The following SIL1 variants were observed in gnomAD, a reference collection of about 807,000 sequenced individuals.
SIL1 encodes nucleotide exchange factor SIL1.
Under a neutral mutation model 49.1 loss-of-function variants are expected in SIL1, and 40 were observed. The ratio of observed to expected loss-of-function variants is 0.81; its 90% CI spans 0.63 to 1.06. The LOEUF is 1.06. Among genes scored for constraint, SIL1 ranks in the 50% least tolerant of loss-of-function variants. The pLI, the probability that SIL1 is intolerant of heterozygous loss-of-function variation, is 0.00. For missense variants in SIL1, 500 were observed against 572.6 expected, an observed-to-expected ratio of 0.87 and a Z score of 1.29; for synonymous variants, 253 against 250.8, an observed-to-expected ratio of 1.01 and a Z score of -0.08.
chr5:138,952,956 T>A (rs1766816420), intron 7 of SIL1, among the ~76,000 whole-genome samples: 1 of 152,202 alleles, frequency 6.6e-6, no homozygotes, highest in South Asian at 2.1e-4. Flanking sequence ...CTTGGGCAGG[T>A]CAGGGCTCCC....
intron 3 of SIL1, among the ~76,000 whole-genome samples, chr5:139,107,848 ATAACCCTCTGAAGTAGGCAT>A (rs1473325003): frequency 2.0e-5 from 3 of 152,240 alleles, no homozygotes; most frequent in Non-Finnish European, 4.4e-5. Flanking sequence ...ACTATTTAAA[ATAACCCTCTGAAGTAGGCAT>A]TATTACTACC....
At chr5:139,054,877 T>C (rs1002678885) in intron 3 of SIL1, among the ~76,000 whole-genome samples, 1 of 152,188 alleles carries the variant, frequency 6.6e-6, no homozygotes, top group Non-Finnish European at 1.5e-5. Context: ...GCAGCAGCAG[T>C]GGCAAAAGCA....
At position 139,050,945 on chromosome 5, in the gene SIL1, C is replaced by CT. The variant is rs1561842887; in HGVS notation, c.345dup (p.Gly116ArgfsTer41). On this transcript the variant is annotated frameshift_variant, in exon 4 of 10. Transcript: ENST00000394817. LOFTEE classifies it high-confidence loss of function. ...CTAGGGTTGACACTGTACCTTTTGCCTTTCAAATTATTTCGGAACTTGTCC... is the reference window on the plus strand; with the variant it reads ...CTAGGGTTGACACTGTACCTTTTGCCTTTTCAAATTATTTCGGAACTTGTCC... 1 of 1,613,904 alleles carries CT rather than the reference C, an allele frequency of 6.2e-7. No individual in the cohort carries two copies. Among genetic ancestry groups the CT allele is most frequent in the Admixed American group, 1.7e-5 (1 of 59,996 alleles).
chr5:139,015,397 A>C (rs1198778557), intron 7 of SIL1, among the ~76,000 whole-genome samples: 2 of 152,226 alleles, frequency 1.3e-5, no homozygotes, highest in South Asian at 4.1e-4. Context: ...AATTCATATC[A>C]ATATGAATAT....
intron 3 of SIL1, among the ~76,000 whole-genome samples, chr5:139,065,276 C>T (rs1330462635): frequency 1.3e-5 from 2 of 152,122 alleles, no homozygotes; most frequent in African/African-American, 4.8e-5. Flanking sequence ...AACCTGCAGG[C>T]CACCAAACCC....
At chr5:139,194,292 C>T (rs1162804010) in intron 1 of SIL1, among the ~76,000 whole-genome samples, 1 of 152,124 alleles carries the variant, frequency 6.6e-6, no homozygotes, top group African/African-American at 2.4e-5. Flanking sequence ...TCTGAGCAGC[C>T]CGAATCTTTT....
At chr5:139,162,421 T>C (rs1431608813) in intron 1 of SIL1, among the ~76,000 whole-genome samples, 1 of 152,190 alleles carries the variant, frequency 6.6e-6, no homozygotes, top group Non-Finnish European at 1.5e-5. Flanking sequence ...ACAGAAATCC[T>C]AAAAATCAAT....
Position 138,955,611 on chromosome 5 carries a change from G to A in SIL1, c.768-3727C>T, listed in dbSNP as rs13186023. ...CAGGGAAGGCAGCCCAGCTCGGCCAGGGGGCCCAGGAGATTGCTGCCCAGC... is the reference window on the plus strand; with the variant it reads ...CAGGGAAGGCAGCCCAGCTCGGCCAAGGGGCCCAGGAGATTGCTGCCCAGC... On this transcript the variant is annotated intron_variant, in intron 7 of 9. Transcript: ENST00000394817. Among the ~76,000 whole-genome samples, 908 of 152,368 alleles carry A rather than the reference G, an allele frequency of 6.0e-3. 13 individuals carry two copies. The highest frequency in any genetic ancestry group is 0.026 in the South Asian group (127 of 4,828).
chr5:139,078,789 T>C (rs777202662), intron 3 of SIL1, among the ~76,000 whole-genome samples: 1 of 152,208 alleles, frequency 6.6e-6, no homozygotes, highest in African/African-American at 2.4e-5. Flanking sequence ...ATAATAATGA[T>C]AGTCACCAAG....
At chr5:139,151,628 A>G (rs1751303249) in intron 1 of SIL1, among the ~76,000 whole-genome samples, 1 of 152,230 alleles carries the variant, frequency 6.6e-6, no homozygotes, top group African/African-American at 2.4e-5. Flanking sequence ...ACAAGGGGAA[A>G]ACACAGATTC....
intron 1 of SIL1, among the ~76,000 whole-genome samples, chr5:139,185,884 G>C (rs1752069829): frequency 6.6e-6 from 1 of 152,240 alleles, no homozygotes; most frequent in Non-Finnish European, 1.5e-5. Flanking sequence ...CTTGCAAAAG[G>C]TTCCATGGAG....
At chr5:139,171,037 G>A (rs1316329457) in intron 1 of SIL1, among the ~76,000 whole-genome samples, 2 of 149,900 alleles carry the variant, frequency 1.3e-5, no homozygotes, top group African/African-American at 4.9e-5. Flanking sequence ...GAAGTGAGGA[G>A]CCCCTCTGCC....
intron 3 of SIL1, among the ~76,000 whole-genome samples, chr5:139,119,280 G>T (rs1750555675): frequency 6.6e-6 from 1 of 152,152 alleles, no homozygotes; most frequent in South Asian, 2.1e-4. Context: ...ATTAATAGCA[G>T]CCCCACTGCC....
chr5:138,976,922 C>T (rs1767405971), intron 7 of SIL1, among the ~76,000 whole-genome samples: 2 of 152,132 alleles, frequency 1.3e-5, no homozygotes, highest in South Asian at 4.1e-4. Flanking sequence ...CACCTCCATC[C>T]TGAGCTGACT....
chr5:139,000,249 T>C (rs1020817977), intron 7 of SIL1, among the ~76,000 whole-genome samples: 5 of 152,240 alleles, frequency 3.3e-5, no homozygotes, highest in African/African-American at 9.6e-5. Context: ...TTGATTCTGG[T>C]AATGTGACAT....
intron 7 of SIL1, among the ~76,000 whole-genome samples, chr5:138,954,326 C>T (rs1346420927): frequency 6.6e-6 from 1 of 152,278 alleles, no homozygotes; most frequent in Non-Finnish European, 1.5e-5. Context: ...TACGGCAGGA[C>T]CATGGGCCAA....
chr5:139,042,204 G>A (rs575722713), intron 5 of SIL1, among the ~76,000 whole-genome samples: 4 of 152,174 alleles, frequency 2.6e-5, no homozygotes, highest in Non-Finnish European at 4.4e-5. Context: ...CAAGGATTCC[G>A]GCTTCTTGCT....
intron 7 of SIL1, among the ~76,000 whole-genome samples, chr5:138,970,611 C>G (rs981735843): frequency 2.6e-5 from 4 of 152,172 alleles, no homozygotes; most frequent in African/African-American, 9.7e-5. Context: ...CAGCCTGCAC[C>G]TCTAGGCTTT....
At position 139,121,060 on chromosome 5, in the gene SIL1, C is replaced by G. The variant is rs767616943; in HGVS notation, c.219G>C (p.Thr73=). 1 of 1,614,106 alleles carries G rather than the reference C, an allele frequency of 6.2e-7. No individual in the cohort carries two copies. Among genetic ancestry groups the G allele is most frequent in the Non-Finnish European group, 8.5e-7 (1 of 1,180,038 alleles). Residue 73 remains threonine (T), a synonymous_variant, in exon 3 of 10, where the codon ACG becomes ACC. Coordinates refer to ENST00000394817, the MANE Select transcript of SIL1 (RefSeq NM_022464.5). ...CTGGCTGAAGGGCCTGCCACTCATG[C>G]GTCGGGTGGAACACCTCCAGGACTT... ...DAEVLEVFHP[T]HEWQALQPGQ... is the part of the protein sequence containing the mutation.
Sources: allele counts gnomAD v4.1 joint callset (sites outside exome capture counted in the v4.1 genomes callset), GRCh38; gene constraint gnomAD v4.1.1; transcripts MANE v1.5; gene names NCBI Gene and HGNC (gene_info 2026-07-23, HGNC 2026-07-21).